MSMB: variants seen among roughly 807,000 people sequenced by gnomAD.
MSMB encodes microseminoprotein beta.
In MSMB, 10 loss-of-function variants were observed where a neutral mutation model predicts 10.5. The ratio of observed to expected loss-of-function variants is 0.95; its 90% CI spans 0.59 to 1.62. The LOEUF (loss-of-function observed/expected upper bound fraction) is 1.62. Ranked by LOEUF, MSMB falls within the 40% of genes most tolerant of loss-of-function variation. The pLI is 0.00. For synonymous variants in MSMB, 43 were observed against 46.5 expected, an observed-to-expected ratio of 0.93 and a Z score of 0.30; for missense variants, 126 against 137.4, an observed-to-expected ratio of 0.92 and a Z score of 0.42.
intron 3 of MSMB, among the ~76,000 whole-genome samples, chr10:46,037,706 A>G (rs1313118250): frequency 1.3e-5 from 2 of 152,166 alleles, no homozygotes; most frequent in African/African-American, 4.8e-5. Context: ...TATTTCTACA[A>G]ATCTACAAGG....
At chr10:46,043,922 G>A (rs1840814576) in intron 1 of MSMB, among the ~76,000 whole-genome samples, 1 of 149,920 alleles carries the variant, frequency 6.7e-6, no homozygotes, top group African/African-American at 2.5e-5. Context: ...TGATCCGCCC[G>A]CCTCGGCCTC....
At chr10:46,044,411 C>CAAAA (rs1840835697) in intron 1 of MSMB, among the ~76,000 whole-genome samples, 5 of 149,558 alleles carry the variant, frequency 3.3e-5, no homozygotes, top group African/African-American at 7.4e-5. Flanking sequence ...CCCGTCTCTA[C>CAAAA]TAAAAATACA....
intron 1 of MSMB, 144 bp downstream of exon 1, chr10:46,046,091 T>A: frequency 1.2e-6 from 1 of 842,642 alleles, no homozygotes; most frequent in Non-Finnish European, 2.0e-6. Flanking sequence ...ACTCTGCACA[T>A]TGAATTGCAG....
intron 2 of MSMB, among the ~76,000 whole-genome samples, chr10:46,039,498 C>T (rs1490704383): frequency 5.9e-5 from 9 of 152,170 alleles, no homozygotes; most frequent in Non-Finnish European, 1.5e-5. Context: ...ATCTTGGGTA[C>T]TTGAAAGCCA....
Position 46,033,597 on chromosome 10 carries a change from C to T in MSMB, c.216-46G>A, listed in dbSNP as rs200789803. On this transcript the variant is annotated intron_variant, in intron 3 of 3. Transcript: ENST00000582163. Reference sequence around the variant, plus strand: ...GGGCCTGTTAGAAGAGAAAGGACCCCGAGCACCCCCTCCCCAGTGCCAGCT... The same window carrying T: ...GGGCCTGTTAGAAGAGAAAGGACCCTGAGCACCCCCTCCCCAGTGCCAGCT... 2.5e-5 allele frequency: 40 copies of T among 1,605,480 alleles called. 1 individual carries two copies. Among genetic ancestry groups the T allele is most frequent in the Non-Finnish European group, 3.3e-5 (39 of 1,174,160 alleles).
At chr10:46,043,652 T>TTTCTG (rs1840803919) in intron 1 of MSMB, among the ~76,000 whole-genome samples, 1 of 152,030 alleles carries the variant, frequency 6.6e-6, no homozygotes, top group Non-Finnish European at 1.5e-5. Context: ...CTGGGAGTTT[T>TTTCTG]TTTTGTTTTG....
intron 3 of MSMB, 149 bp downstream of exon 3, chr10:46,038,817 G>T: frequency 1.5e-6 from 1 of 647,104 alleles, no homozygotes. Flanking sequence ...GCTCAGTTTT[G>T]CTGTGAATCT....
At chr10:46,045,593 G>A (rs923102420) in intron 1 of MSMB, among the ~76,000 whole-genome samples, 7 of 152,110 alleles carry the variant, frequency 4.6e-5, no homozygotes, top group Admixed American at 2.6e-4. Flanking sequence ...CTTAACACAT[G>A]ATACAGTGAA....
At chr10:46,042,729 A>AGTCACATGAGCAATTGATC (rs1840781182) in intron 1 of MSMB, among the ~76,000 whole-genome samples, 1 of 152,210 alleles carries the variant, frequency 6.6e-6, no homozygotes, top group Non-Finnish European at 1.5e-5. Context: ...TAGAAGGTGA[A>AGTCACATGAGCAATTGATC]GTCACATGAG....
chr10:46,040,140 T>C, intron 1 of MSMB, 49 bp from the exon 2 acceptor site: 1 of 1,528,280 alleles, frequency 6.5e-7, no homozygotes, highest in East Asian at 2.3e-5. Context: ...ATTCAAAGGA[T>C]AATCCTTGAC....
At chr10:46,037,340 T>C (rs1840632813) in intron 3 of MSMB, among the ~76,000 whole-genome samples, 3 of 152,138 alleles carry the variant, frequency 2.0e-5, no homozygotes, top group African/African-American at 7.2e-5. Flanking sequence ...AAATGCCCCT[T>C]GACACCAATG....
chr10:46,038,310 C>T (rs1428212752), intron 3 of MSMB, among the ~76,000 whole-genome samples: 2 of 150,610 alleles, frequency 1.3e-5, no homozygotes, highest in African/African-American at 2.4e-5. Context: ...TTTTTTTAGA[C>T]ACAGTCTCGC....
chr10:46,039,915 G>T, intron 2 of MSMB, 71 bp downstream of exon 2: 1 of 1,116,030 alleles, frequency 9.0e-7, no homozygotes, highest in Non-Finnish European at 1.3e-6. Context: ...AAACACAAAG[G>T]CTTTCATCTG....
chr10:46,040,503 AGAGT>A (rs1273425727), intron 1 of MSMB, among the ~76,000 whole-genome samples: 1 of 152,226 alleles, frequency 6.6e-6, no homozygotes, highest in African/African-American at 2.4e-5. Context: ...AAATTAGAAG[AGAGT>A]GAGAGGTAAT....
At position 46,040,610 on chromosome 10, in the gene MSMB, T is replaced by TTGCTTTTTGTTCTCTGTTTC. The variant is rs1229604573; in HGVS notation, c.4-539_4-520dup. The stretch of plus-strand genomic sequence containing the variant: ...GCAAAGTCACTTCGAAAAGACCAAT[T>TTGCTTTTTGTTCTCTGTTTC]TGCTTTTTGTTCTCTGTTTCTGCTT... On this transcript the variant is annotated intron_variant, in intron 1 of 3. Coordinates refer to ENST00000582163, the MANE Select transcript of MSMB (RefSeq NM_002443.4). Among the ~76,000 whole-genome samples, 29 of 152,210 alleles carry TTGCTTTTTGTTCTCTGTTTC rather than the reference T, an allele frequency of 1.9e-4. 1 individual carries two copies. The highest frequency in any genetic ancestry group is 6.8e-4 in the African/African-American group (28 of 41,470).
At chr10:46,035,267 G>T (rs73318198) in intron 3 of MSMB, among the ~76,000 whole-genome samples, 10,177 of 152,208 alleles carry the variant, frequency 0.067, 1,114 homozygotes, top group African/African-American at 0.23. Flanking sequence ...GACCCAGAAA[G>T]CTACTCCTGG....
Position 46,040,032 on chromosome 10 carries a change from T to C in MSMB, c.63A>G (p.Ser21=), listed in dbSNP as rs143558100. 1.9e-6 allele frequency: 3 copies of C among 1,614,046 alleles called. No individual in the cohort carries two copies. Among genetic ancestry groups the C allele is most frequent in the East Asian group, 2.2e-5 (1 of 44,874 alleles). The stretch of plus-strand genomic sequence containing the variant: ...CTCCCTCATTAGGTATGAAATAGCA[T>C]GATGCATTGCATAAAGTCACGAAGG... ...FATFVTLCNA[S]CYFIPNEGVP... The change falls in exon 2 of 4, where the codon TCA becomes TCG. Residue 21 remains serine (S), a synonymous_variant. Coordinates refer to ENST00000582163, the MANE Select transcript of MSMB (RefSeq NM_002443.4).
chr10:46,036,452 T>A (rs1352267570), intron 3 of MSMB, among the ~76,000 whole-genome samples: 1 of 152,230 alleles, frequency 6.6e-6, no homozygotes, highest in Non-Finnish European at 1.5e-5. Flanking sequence ...CCTTGAAACC[T>A]TGAAACCTGA....
At chr10:46,036,929 T>C (rs1390007411) in intron 3 of MSMB, among the ~76,000 whole-genome samples, 1 of 152,226 alleles carries the variant, frequency 6.6e-6, no homozygotes, top group African/African-American at 2.4e-5. Context: ...CAACACTTGA[T>C]ATAAAGACAA....
Sources: allele counts gnomAD v4.1 joint callset (sites outside exome capture counted in the v4.1 genomes callset), GRCh38; gene constraint gnomAD v4.1.1; transcripts MANE v1.5; gene names NCBI Gene and HGNC (gene_info 2026-07-23, HGNC 2026-07-21).